The following ARFGAP1 variants were observed in gnomAD, a reference collection of about 807,000 sequenced individuals.
ARFGAP1 encodes the protein ADP-ribosylation factor GTPase-activating protein 1.
In ARFGAP1, 26 loss-of-function variants were observed where a neutral mutation model predicts 54.0. That is an observed-to-expected ratio of 0.48 (90% CI 0.35 to 0.67). The LOEUF (loss-of-function observed/expected upper bound fraction) is 0.67, where lower values mean the gene tolerates loss of function less well. ARFGAP1 is among the 30% of genes least tolerant of loss of function. The pLI is 0.00. For synonymous variants in ARFGAP1, 248 were observed against 211.9 expected, an observed-to-expected ratio of 1.17 and a Z score of -1.48; for missense variants, 525 against 535.8, an observed-to-expected ratio of 0.98 and a Z score of 0.20.
chr20:63,281,568 G>A (rs982101175), intron 8 of ARFGAP1, among the ~76,000 whole-genome samples: 4 of 152,184 alleles, frequency 2.6e-5, no homozygotes, highest in Non-Finnish European at 2.9e-5. Context: ...AGCTGCTCCT[G>A]TGTCAGACCA....
chr20:63,281,445 GAC>G (rs777087133), intron 8 of ARFGAP1, 98 bp downstream of exon 8: 126 of 1,407,642 alleles, frequency 9.0e-5, no homozygotes, highest in African/African-American at 1.1e-4. Flanking sequence ...AGGGATGTGG[GAC>G]ACAGAGGGTT....
chr20:63,277,167 G>A (rs376153945), intron 4 of ARFGAP1, 38 bp from the exon 5 acceptor site: 36 of 1,574,980 alleles, frequency 2.3e-5, no homozygotes, highest in East Asian at 9.0e-5. Flanking sequence ...ATCGCCAGGC[G>A]CCTTTATGCT....
At chr20:63,278,062 T>A in intron 5 of ARFGAP1, 55 bp from the exon 6 acceptor site, 1 of 1,541,424 alleles carries the variant, frequency 6.5e-7, no homozygotes, top group Non-Finnish European at 9.0e-7. Flanking sequence ...GCTTCTGGGG[T>A]TACCTCAGAC....
Position 63,276,147 on chromosome 20 carries a change from C to G in ARFGAP1, c.117C>G (p.Ile39Met). ...NPQWVSVTYG[I>M]WICLECSGRH... ...AGTGGGTCAGTGTGACCTACGGCAT[C>G]TGGATCTGCCTGGAGTGCTCGGGGA... Residue 39 changes from isoleucine to methionine, a missense_variant, in exon 3 of 13, where the codon ATC (isoleucine) becomes ATG (methionine). Coordinates refer to ENST00000370283, the MANE Select transcript of ARFGAP1 (RefSeq NM_018209.4). This position sits in a 1 kb window ranked among gnomAD's most constrained non-coding sequence, Gnocchi z 5.2. 1 of 1,614,086 alleles carries G rather than the reference C, an allele frequency of 6.2e-7. No homozygotes were observed. The highest frequency in any genetic ancestry group is 8.5e-7 in the Non-Finnish European group (1 of 1,180,036).
chr20:63,276,336 C>A lies in ARFGAP1; in HGVS notation c.170+136C>A. 7.3e-7 allele frequency: 1 copy of A among 1,372,126 alleles called. No individual in the cohort carries two copies. Among genetic ancestry groups the A allele is most frequent in the Non-Finnish European group, 1.0e-6 (1 of 987,740 alleles). 85.0% of individuals were successfully genotyped at this position (1,372,126 alleles called of 1,614,324 possible). A position where few individuals can be genotyped will look rare whatever the true frequency, so the allele number is the denominator to read the frequency against. ...ATTGCCAGTGTCCACTCTAGTGACGCCATGGCACAGAGTTCCAGCTGCTGG... is the reference window on the plus strand; with the variant it reads ...ATTGCCAGTGTCCACTCTAGTGACGACATGGCACAGAGTTCCAGCTGCTGG... On this transcript the variant is annotated intron_variant, in intron 3 of 12. Coordinates refer to ENST00000370283, the MANE Select transcript of ARFGAP1 (RefSeq NM_018209.4). The surrounding 1 kb of genome is among the most constrained non-coding windows in gnomAD (Gnocchi z 5.2).
chr20:63,273,146 C>A (rs969717865), intron 1 of ARFGAP1: 1 of 152,032 alleles, frequency 6.6e-6, no homozygotes, highest in Admixed American at 6.5e-5. Flanking sequence ...GCTGCAGCCG[C>A]CCCTCCGCCG....
chr20:63,285,228 C>T (rs1390759132), intron 10 of ARFGAP1, among the ~76,000 whole-genome samples: 14 of 152,066 alleles, frequency 9.2e-5, no homozygotes, highest in Admixed American at 7.9e-4. Context: ...AGCCCACCTC[C>T]GTTCCTCTGC....
rs1016785338 is a variant in ARFGAP1, at chr20:63,288,458, TC to T, written c.*586del. 2 of 455,846 alleles carry T rather than the reference TC, an allele frequency of 4.4e-6. No individual in the cohort carries two copies. Among genetic ancestry groups the T allele is most frequent in the African/African-American group, 2.0e-5 (1 of 50,020 alleles). The allele number at this position is 455,846 out of a possible 1,614,324, so 28.2% of individuals were successfully genotyped here. On this transcript the variant is annotated 3_prime_UTR_variant, in exon 13 of 13. Coordinates refer to ENST00000370283, the MANE Select transcript of ARFGAP1 (RefSeq NM_018209.4). ...GTCAGACCCGCGTCGGTCGTAACCC[TC>T]TGTGGCTCCCCTGCATCAGCACCGT...
intron 6 of ARFGAP1, 139 bp from the exon 7 acceptor site, chr20:63,278,760 G>C: frequency 1.6e-6 from 1 of 607,684 alleles, no homozygotes; most frequent in East Asian, 2.8e-5. Context: ...TGCCACAGGA[G>C]GCAGCGTGCA....
intron 7 of ARFGAP1, among the ~76,000 whole-genome samples, chr20:63,280,979 G>A (rs951507231): frequency 5.3e-5 from 8 of 152,204 alleles, no homozygotes; most frequent in East Asian, 1.9e-4. Flanking sequence ...AGGGAGCGCC[G>A]GCCATGGGGA....
At chr20:63,284,142 A>T in intron 9 of ARFGAP1, 1 of 1,328,882 alleles carries the variant, frequency 7.5e-7, no homozygotes. Context: ...TCCAAAACAC[A>T]CAGACCCCCA....
chr20:63,286,678 A>T (rs951922234), intron 12 of ARFGAP1: 1 of 454,780 alleles, frequency 2.2e-6, no homozygotes, highest in Non-Finnish European at 4.1e-6. Context: ...AGTGCTCTGC[A>T]GCTGCAGAGG....
chr20:63,278,004 G>C, intron 5 of ARFGAP1, 113 bp from the exon 6 acceptor site: 1 of 921,866 alleles, frequency 1.1e-6, no homozygotes. Context: ...GGTGCTCTCA[G>C]GGGTGACGTG....
chr20:63,276,692 C>T lies in ARFGAP1; in HGVS notation c.342+41C>T. On this transcript the variant is annotated intron_variant, in intron 4 of 12. Coordinates refer to ENST00000370283, the MANE Select transcript of ARFGAP1 (RefSeq NM_018209.4). The surrounding 1 kb of genome is among the most constrained non-coding windows in gnomAD (Gnocchi z 5.2). ...ATTCACTCTTGCCCATGGTGTGGGGCTGCCCTGCCGTTTGTGGCAGCTGGA... is the reference window on the plus strand; with the variant it reads ...ATTCACTCTTGCCCATGGTGTGGGGTTGCCCTGCCGTTTGTGGCAGCTGGA... The T allele has an allele frequency of 6.4e-7, 1 of 1,559,152 alleles. No individual in the cohort carries two copies. The highest frequency in any genetic ancestry group is 8.7e-7 in the Non-Finnish European group (1 of 1,151,018).
Position 63,288,288 on chromosome 20 carries a change from T to G in ARFGAP1, c.*415T>G, listed in dbSNP as rs2067620375. 1 of 483,090 alleles carries G rather than the reference T, an allele frequency of 2.1e-6. No homozygotes were observed. Among genetic ancestry groups the G allele is most frequent in the Non-Finnish European group, 4.1e-6 (1 of 245,122 alleles). 29.9% of individuals were successfully genotyped at this position (483,090 alleles called of 1,614,324 possible). A position where few individuals can be genotyped will look rare whatever the true frequency, so the allele number is the denominator to read the frequency against. ...TGAGGTGTCCCTTCTCGTTGAGATATTTAACTTTGGTTTTGCTCTAGTTCT... is the reference window on the plus strand; with the variant it reads ...TGAGGTGTCCCTTCTCGTTGAGATAGTTAACTTTGGTTTTGCTCTAGTTCT... On this transcript the variant is annotated 3_prime_UTR_variant, in exon 13 of 13. Coordinates refer to ENST00000370283, the MANE Select transcript of ARFGAP1 (RefSeq NM_018209.4).
rs181110568 is a variant in ARFGAP1 at position 63,280,450 on chromosome 20, G to A, written c.628-841G>A. Among the ~76,000 whole-genome samples, 868 of 152,246 alleles carry A rather than the reference G, an allele frequency of 5.7e-3. 3 individuals are homozygous for A. Among genetic ancestry groups the A allele is most frequent in the Admixed American group, 0.011 (165 of 15,290 alleles). ...TGGTATTACAGGCATGAGCCACCAT[G>A]CCTGGCCAGAAAGGGCTTTTTAATA... is the stretch of plus-strand genomic sequence containing the variant. On this transcript the variant is annotated intron_variant, in intron 7 of 12. Coordinates refer to ENST00000370283, the MANE Select transcript of ARFGAP1 (RefSeq NM_018209.4).
chr20:63,279,189 C>A lies in ARFGAP1; in HGVS notation c.627+194C>A, dbSNP rs950707992. Reference sequence around the variant, plus strand: ...AAATTTTTCAGATCCCAAATGTATTCAATCACTTCCTTTTTTTTTTTTTTT... The same window carrying A: ...AAATTTTTCAGATCCCAAATGTATTAAATCACTTCCTTTTTTTTTTTTTTT... On this transcript the variant is annotated intron_variant, in intron 7 of 12. Transcript: ENST00000370283. The A allele has an allele frequency of 4.1e-5, 27 of 652,736 alleles. No individual in the cohort carries two copies. The East Asian group carries it at 4.4e-4, about 11-fold the overall frequency. 40.4% of individuals were successfully genotyped at this position (652,736 alleles called of 1,614,324 possible).
intron 11 of ARFGAP1, 176 bp from the exon 12 acceptor site, chr20:63,286,190 G>A (rs1038122533): frequency 2.3e-5 from 36 of 1,549,182 alleles, no homozygotes; most frequent in Non-Finnish European, 2.9e-5. Context: ...ACCTGGCACC[G>A]CTGCAGAGTG....
At chr20:63,277,997 G>A in intron 5 of ARFGAP1, 120 bp from the exon 6 acceptor site, 1 of 834,170 alleles carries the variant, frequency 1.2e-6, no homozygotes, top group South Asian at 1.4e-5. Flanking sequence ...GGCCTCAGGT[G>A]CTCTCAGGGG....
Sources: allele counts gnomAD v4.1 joint callset (sites outside exome capture counted in the v4.1 genomes callset), GRCh38; gene constraint gnomAD v4.1.1; non-coding constraint Gnocchi (gnomAD v3.1); transcripts MANE v1.5; gene names NCBI Gene and HGNC (gene_info 2026-07-23, HGNC 2026-07-21).